Variants in AGBL1 observed in about 807,000 individuals in gnomAD.
AGBL1 encodes the protein cytosolic carboxypeptidase 4.
Under a neutral mutation model 118.9 loss-of-function variants are expected in AGBL1, and 130 were observed. That is an observed-to-expected ratio of 1.09 (90% CI 0.95 to 1.26). The LOEUF (loss-of-function observed/expected upper bound fraction) is 1.26. Among genes scored for constraint, AGBL1 ranks in the 50% most tolerant of loss-of-function variants. The pLI is 0.00. For missense variants in AGBL1, 1,584 were observed against 1,298.1 expected (o/e 1.22, Z -3.38); for synonymous variants, 555 against 478.9 (o/e 1.16, Z -2.08).
chr15:86,789,549 G>C (rs1455759131), intron 22 of AGBL1, among the ~76,000 whole-genome samples: 1 of 152,108 alleles, frequency 6.6e-6, no homozygotes, highest in Non-Finnish European at 1.5e-5. Context: ...GGGGAGGTGA[G>C]TAATGAGCCT....
At chr15:86,954,977 A>C (rs952424952) in intron 23 of AGBL1, among the ~76,000 whole-genome samples, 2 of 152,136 alleles carry the variant, frequency 1.3e-5, no homozygotes, top group African/African-American at 4.8e-5. Context: ...TTTAACTTGT[A>C]AGAGTGTAAG....
chr15:86,564,390 A>G (rs1263193153), intron 21 of AGBL1, among the ~76,000 whole-genome samples: 4 of 152,096 alleles, frequency 2.6e-5, no homozygotes, highest in African/African-American at 9.7e-5. Flanking sequence ...TCATTTATGA[A>G]GCTTAGTTTG....
chr15:86,738,104 A>T (rs1271850330), intron 22 of AGBL1, among the ~76,000 whole-genome samples: 2 of 152,106 alleles, frequency 1.3e-5, no homozygotes, highest in African/African-American at 4.8e-5. Flanking sequence ...AGATAAAAAT[A>T]TGGGATCTTT....
intron 18 of AGBL1, among the ~76,000 whole-genome samples, chr15:86,458,106 A>T (rs1416646922): frequency 1.3e-5 from 2 of 152,188 alleles, no homozygotes; most frequent in Admixed American, 1.3e-4. Flanking sequence ...AAAAAATCTG[A>T]TAACAAGGCT....
intron 18 of AGBL1, among the ~76,000 whole-genome samples, chr15:86,409,024 C>T (rs1224435761): frequency 6.6e-6 from 1 of 152,178 alleles, no homozygotes; most frequent in Non-Finnish European, 1.5e-5. Context: ...AAATGAAAGA[C>T]AGACACATAT....
intron 17 of AGBL1, among the ~76,000 whole-genome samples, chr15:86,316,562 C>T (rs568715853): frequency 6.6e-6 from 1 of 152,164 alleles, no homozygotes; most frequent in Non-Finnish European, 1.5e-5. Context: ...GGTGACCCCA[C>T]TTCAGAGGAT....
intron 21 of AGBL1, among the ~76,000 whole-genome samples, chr15:86,642,067 C>T (rs2085200067): frequency 6.6e-6 from 1 of 152,190 alleles, no homozygotes; most frequent in Admixed American, 6.5e-5. Flanking sequence ...CATTTGATCA[C>T]TGCTTGCATC....
At chr15:86,564,010 G>C (rs966971976) in intron 21 of AGBL1, among the ~76,000 whole-genome samples, 6 of 151,870 alleles carry the variant, frequency 4.0e-5, no homozygotes, top group Non-Finnish European at 7.4e-5. Context: ...CCTTTATTTT[G>C]AGCCTATTTG....
intron 3 of AGBL1, among the ~76,000 whole-genome samples, chr15:86,153,593 G>A (rs2077146653): frequency 6.6e-6 from 1 of 152,160 alleles, no homozygotes. Context: ...AACCAACACA[G>A]CACATGTATA....
intron 18 of AGBL1, among the ~76,000 whole-genome samples, chr15:86,469,007 T>G (rs2082443094): frequency 6.6e-6 from 1 of 152,190 alleles, no homozygotes; most frequent in African/African-American, 2.4e-5. Flanking sequence ...GATATATATA[T>G]TCATTGTGAA....
At chr15:86,444,202 G>A (rs536252194) in intron 18 of AGBL1, among the ~76,000 whole-genome samples, 1 of 152,270 alleles carries the variant, frequency 6.6e-6, no homozygotes, top group African/African-American at 2.4e-5. Flanking sequence ...CTGATGATTA[G>A]CATTGTTGAG....
intron 22 of AGBL1, among the ~76,000 whole-genome samples, chr15:86,733,542 G>A (rs2077555333): frequency 6.6e-6 from 1 of 152,118 alleles, no homozygotes; most frequent in Admixed American, 6.6e-5. Flanking sequence ...TGCTTGGGAT[G>A]GGACCTGGCA....
intron 15 of AGBL1, among the ~76,000 whole-genome samples, chr15:86,276,446 G>C (rs190031916): frequency 6.6e-6 from 1 of 152,152 alleles, no homozygotes; most frequent in East Asian, 1.9e-4. Flanking sequence ...ACCTTGAAAG[G>C]ATGTCATTAG....
intron 5 of AGBL1, among the ~76,000 whole-genome samples, chr15:86,183,274 A>G (rs79631854): frequency 0.012 from 1,860 of 152,302 alleles, 22 homozygotes; most frequent in East Asian, 0.057. Context: ...AGGGTAAATA[A>G]CACAATTTTT....
chr15:86,133,072 A>C (rs2076840033), intron 1 of AGBL1, among the ~76,000 whole-genome samples: 2 of 152,206 alleles, frequency 1.3e-5, no homozygotes, highest in East Asian at 3.9e-4. Flanking sequence ...AGTTAGGTAC[A>C]AGTATTAGTC....
At chr15:86,936,971 C>T (rs1213521285) in intron 23 of AGBL1, among the ~76,000 whole-genome samples, 1 of 152,138 alleles carries the variant, frequency 6.6e-6, no homozygotes, top group Non-Finnish European at 1.5e-5. Context: ...AAACATACAA[C>T]CCCATTAAAA....
At chr15:86,704,525 T>G (rs1454543533) in intron 22 of AGBL1, among the ~76,000 whole-genome samples, 1 of 152,012 alleles carries the variant, frequency 6.6e-6, no homozygotes, top group Non-Finnish European at 1.5e-5. Context: ...AACAAACATA[T>G]CAAAAGAAGT....
intron 17 of AGBL1, among the ~76,000 whole-genome samples, chr15:86,395,816 A>G (rs888704859): frequency 2.0e-5 from 3 of 152,116 alleles, no homozygotes; most frequent in African/African-American, 7.2e-5. Flanking sequence ...GATGATAATA[A>G]CATAATTCAG....
At chr15:86,104,540 A>T (rs1243005466) in intron 1 of AGBL1, among the ~76,000 whole-genome samples, 3 of 152,116 alleles carry the variant, frequency 2.0e-5, no homozygotes, top group East Asian at 3.9e-4. Flanking sequence ...CAATGGCTGT[A>T]TGTGGGGGAG....
Sources: allele counts gnomAD v4.1 joint callset (sites outside exome capture counted in the v4.1 genomes callset), GRCh38; gene constraint gnomAD v4.1.1; transcripts MANE v1.5; gene names NCBI Gene and HGNC (gene_info 2026-07-23, HGNC 2026-07-21).